PEAK1: variants seen among roughly 807,000 people sequenced by gnomAD.
PEAK1 encodes the protein inactive tyrosine-protein kinase PEAK1.
In PEAK1, 54 loss-of-function variants were observed where a neutral mutation model predicts 124.7. The ratio of observed to expected loss-of-function variants is 0.43; its 90% CI spans 0.35 to 0.54. PEAK1 has a LOEUF of 0.54. Ranked by LOEUF, PEAK1 falls within the 20% of genes least tolerant of loss-of-function variation. The probability of loss-of-function intolerance (pLI) is 0.01; values close to 1 mark genes in which losing one functional copy is unlikely to be tolerated. For synonymous variants in PEAK1, 719 were observed against 760.0 expected (o/e 0.95, Z 0.89); for missense variants, 2,046 against 2,134.5 (o/e 0.96, Z 0.82).
intron 8 of PEAK1, chr15:77,156,057 G>A (rs892982282): frequency 4.6e-5 from 7 of 152,734 alleles, no homozygotes; most frequent in African/African-American, 1.7e-4. Flanking sequence ...AGTCTGCAGA[G>A]GTTACTGCTG....
rs186192109 is a variant in PEAK1 at position 77,398,975 on chromosome 15, C to A, written c.-666+21031G>T. On this transcript the variant is annotated intron_variant, in intron 1 of 9. Coordinates refer to ENST00000682557, the MANE Select transcript of PEAK1 (RefSeq NM_001385026.1). ...TTTCTACATGCCAACAGCAAAAAAT[C>A]TGAAAAAAAAGTCAAGAAAGCAATC... Among the ~76,000 whole-genome samples, 115 of 151,552 alleles carry A rather than the reference C, an allele frequency of 7.6e-4. 1 individual carries two copies. Among genetic ancestry groups the A allele is most frequent in the African/African-American group, 2.8e-3 (114 of 41,366 alleles).
Position 77,180,311 on chromosome 15 carries a change from G to A in PEAK1, c.1616C>T (p.Thr539Ile), listed in dbSNP as rs914079085. 5 of 1,613,790 alleles carry A rather than the reference G, an allele frequency of 3.1e-6. No individual in the cohort carries two copies. The African/African-American group carries it at 6.7e-5, about 22-fold the overall frequency. The part of the protein sequence containing the change: ...IRYQEVWTSS[T>I]SPRQKIPKVE... ...TTTAGGTATCTTTTGTCGTGGACTGGTGCTAGAAGTCCATACTTCTTGGTA... is the reference window on the plus strand; with the variant it reads ...TTTAGGTATCTTTTGTCGTGGACTGATGCTAGAAGTCCATACTTCTTGGTA... Residue 539 changes from threonine to isoleucine, a missense_variant, in exon 7 of 10, where the codon ACC becomes ATC. Thr to Ile is a moderately conservative substitution (Grantham distance 89). Transcript: ENST00000682557.
At chr15:77,415,974 A>C (rs16968829) in intron 1 of PEAK1, among the ~76,000 whole-genome samples, 12,487 of 152,262 alleles carry the variant, frequency 0.082, 590 homozygotes, top group Non-Finnish European at 0.1. Context: ...TGTTGAAAAC[A>C]TTGTACCCCT....
intron 2 of PEAK1, chr15:77,337,953 G>A (rs1055643063): frequency 4.1e-6 from 4 of 983,994 alleles, no homozygotes; most frequent in Non-Finnish European, 3.6e-6. Context: ...AAAATAATCT[G>A]AATTGGAAGT....
intron 6 of PEAK1, among the ~76,000 whole-genome samples, chr15:77,186,222 T>C (rs544981030): frequency 6.6e-6 from 1 of 152,326 alleles, no homozygotes; most frequent in South Asian, 2.1e-4. Flanking sequence ...CAAAAAAGAA[T>C]AAGGCATCTT....
Position 77,214,167 on chromosome 15 carries a change from A to G in PEAK1, c.-114-32127T>C, listed in dbSNP as rs139010477. Reference sequence around the variant, plus strand: ...ATGGATACACCACAATGTATTCTTCACCAGTTTTCAGCTATCATGAATAAT... The same window carrying G: ...ATGGATACACCACAATGTATTCTTCGCCAGTTTTCAGCTATCATGAATAAT... On this transcript the variant is annotated intron_variant, in intron 6 of 9. Transcript: ENST00000682557. 4.0e-3 allele frequency among the ~76,000 whole-genome samples: 614 copies of G among 152,130 alleles called. 10 individuals are homozygous for G. Among genetic ancestry groups the G allele is most frequent in the East Asian group, 0.025 (130 of 5,180 alleles).
intron 9 of PEAK1, among the ~76,000 whole-genome samples, chr15:77,121,366 G>A (rs1026989764): frequency 6.6e-6 from 1 of 152,220 alleles, no homozygotes; most frequent in African/African-American, 2.4e-5. Context: ...CTGATCCAGT[G>A]CTGCCATAGG....
At chr15:77,355,757 G>C (rs1235352589) in intron 2 of PEAK1, 1 of 984,954 alleles carries the variant, frequency 1.0e-6, no homozygotes, top group Non-Finnish European at 1.2e-6. Context: ...ACGTAAATCA[G>C]GTCTAAGAAG....
chr15:77,259,850 T>A (rs930490059), intron 5 of PEAK1, among the ~76,000 whole-genome samples: 14 of 152,124 alleles, frequency 9.2e-5, no homozygotes, highest in African/African-American at 3.4e-4. Flanking sequence ...GGCAATCTTG[T>A]TTACTTGGAG....
chr15:77,355,475 T>C (rs1278286997), intron 2 of PEAK1, among the ~76,000 whole-genome samples: 1 of 152,184 alleles, frequency 6.6e-6, no homozygotes, highest in Non-Finnish European at 1.5e-5. Flanking sequence ...CGACTTTAAG[T>C]CAGAGAGACC....
intron 6 of PEAK1, among the ~76,000 whole-genome samples, chr15:77,207,198 G>A (rs866968801): frequency 1.6e-4 from 25 of 152,292 alleles, no homozygotes; most frequent in Middle Eastern, 6.8e-3. Context: ...TCAGGACATA[G>A]GCATGGGCAA....
intron 5 of PEAK1, among the ~76,000 whole-genome samples, chr15:77,271,382 A>G (rs2062021895): frequency 6.6e-6 from 1 of 152,220 alleles, no homozygotes; most frequent in South Asian, 2.1e-4. Context: ...GCGATTCCTC[A>G]GGGATCTAGA....
Position 77,112,421 on chromosome 15 carries a change from T to C in PEAK1, c.*1735A>G, listed in dbSNP as rs540619405. On this transcript the variant is annotated 3_prime_UTR_variant, in exon 10 of 10. Coordinates refer to ENST00000682557, the MANE Select transcript of PEAK1 (RefSeq NM_001385026.1). ...TCTTGGCTTTAAGGAAACTCTGCAC[T>C]GGTAGATGAGGGGCCTCAGGGCTCA... 2 of 152,348 alleles carry C rather than the reference T, an allele frequency of 1.3e-5. No homozygotes were observed. Among genetic ancestry groups the C allele is most frequent in the South Asian group, 4.1e-4 (2 of 4,822 alleles). The allele number at this position is 152,348 out of a possible 1,614,324, so 9.4% of individuals were successfully genotyped here.
intron 2 of PEAK1, among the ~76,000 whole-genome samples, chr15:77,293,526 C>T (rs1208782376): frequency 6.6e-6 from 1 of 152,194 alleles, no homozygotes; most frequent in Non-Finnish European, 1.5e-5. Flanking sequence ...CTCTACTTGA[C>T]CTTAAAGCTT....
chr15:77,359,868 C>A (rs560171052), intron 2 of PEAK1, among the ~76,000 whole-genome samples: 3 of 152,136 alleles, frequency 2.0e-5, no homozygotes, highest in Non-Finnish European at 2.9e-5. Flanking sequence ...AAGATTCCTG[C>A]CTCAGATTCA....
At chr15:77,318,512 C>T (rs2065009837) in intron 2 of PEAK1, among the ~76,000 whole-genome samples, 1 of 152,006 alleles carries the variant, frequency 6.6e-6, no homozygotes, top group Non-Finnish European at 1.5e-5. Context: ...GAATTTCTAA[C>T]AGAGCTGTCC....
chr15:77,307,406 A>G (rs1293547817), intron 2 of PEAK1, among the ~76,000 whole-genome samples: 1 of 152,154 alleles, frequency 6.6e-6, no homozygotes, highest in Non-Finnish European at 1.5e-5. Context: ...AAAGATCTAC[A>G]GAGATCTACT....
At chr15:77,252,991 C>T (rs956723270) in intron 5 of PEAK1, among the ~76,000 whole-genome samples, 36 of 152,204 alleles carry the variant, frequency 2.4e-4, no homozygotes, top group African/African-American at 8.4e-4. Flanking sequence ...AGTTTAGGCT[C>T]AAGTATGATT....
chr15:77,392,458 AC>A (rs1193869640), intron 1 of PEAK1, among the ~76,000 whole-genome samples: 1 of 152,236 alleles, frequency 6.6e-6, no homozygotes, highest in African/African-American at 2.4e-5. Flanking sequence ...AGGTATTAAG[AC>A]CAATGCAATT....
Sources: gnomAD v4.1 joint callset for allele counts (sites outside exome capture counted in the v4.1 genomes callset) on GRCh38, gnomAD v4.1.1 for gene constraint, MANE v1.5 for transcripts, NCBI Gene and HGNC (gene_info 2026-07-23, HGNC 2026-07-21) for gene names.